Variants in GRIK1 observed in about 807,000 individuals in gnomAD.
The protein encoded by GRIK1 is glutamate ionotropic receptor kainate type subunit 1.
Under a neutral mutation model 105.7 loss-of-function variants are expected in GRIK1, and 69 were observed. The ratio of observed to expected loss-of-function variants is 0.65; its 90% CI spans 0.54 to 0.80. GRIK1 has a LOEUF of 0.80. GRIK1 is among the 30% of genes least tolerant of loss of function. The pLI is 0.00. For synonymous variants in GRIK1, 438 were observed against 431.3 expected, an observed-to-expected ratio of 1.02 and a Z score of -0.19; for missense variants, 1,109 against 1,167.3, an observed-to-expected ratio of 0.95 and a Z score of 0.73.
At chr21:29,747,409 G>A (rs997422936) in intron 1 of GRIK1, among the ~76,000 whole-genome samples, 8 of 152,182 alleles carry the variant, frequency 5.3e-5, no homozygotes, top group African/African-American at 1.7e-4. Flanking sequence ...ACATGATCAG[G>A]AAGGAAATCT....
At chr21:29,683,137 T>C (rs1014284140) in intron 3 of GRIK1, among the ~76,000 whole-genome samples, 2 of 152,152 alleles carry the variant, frequency 1.3e-5, no homozygotes, top group African/African-American at 4.8e-5. Context: ...ACACAGATGT[T>C]GGTGAGGCTG....
rs574821165 is a variant in GRIK1 at position 29,568,385 on chromosome 21, G to T, written c.2131-6536C>A. On this transcript the variant is annotated intron_variant, in intron 14 of 17. Coordinates refer to ENST00000327783, the MANE Select transcript of GRIK1 (RefSeq NM_001330994.2). ...AATGGCTCATTGCTTCATTTCCACT[G>T]GTGCAGTGCCCAGTAACTTCTCTGA... 2.6e-5 allele frequency among the ~76,000 whole-genome samples: 4 copies of T among 152,262 alleles called. No homozygotes were observed. The East Asian group carries it at 7.7e-4, about 29-fold the overall frequency.
intron 7 of GRIK1, among the ~76,000 whole-genome samples, chr21:29,612,215 T>C (rs1203678867): frequency 1.3e-5 from 2 of 152,226 alleles, no homozygotes; most frequent in African/African-American, 4.8e-5. Flanking sequence ...AATGAACCCT[T>C]GACCTTTGGC....
intron 5 of GRIK1, among the ~76,000 whole-genome samples, chr21:29,654,087 G>A (rs1444542831): frequency 6.6e-6 from 1 of 152,172 alleles, no homozygotes; most frequent in Non-Finnish European, 1.5e-5. Flanking sequence ...TAGAAAACGA[G>A]CTTGATTCTG....
At chr21:29,761,947 C>G (rs1447372959) in intron 1 of GRIK1, among the ~76,000 whole-genome samples, 1 of 152,176 alleles carries the variant, frequency 6.6e-6, no homozygotes, top group Non-Finnish European at 1.5e-5. Flanking sequence ...AGGGTTTCAC[C>G]CTGTTGGCCA....
chr21:29,601,340 G>T (rs1038553031), intron 7 of GRIK1: 3 of 402,242 alleles, frequency 7.5e-6, no homozygotes, highest in Non-Finnish European at 1.6e-5. Flanking sequence ...GCTTTCCAGG[G>T]TCTCTAGTTT....
chr21:29,896,132 A>T (rs1264369255), intron 1 of GRIK1, among the ~76,000 whole-genome samples: 1 of 152,220 alleles, frequency 6.6e-6, no homozygotes, highest in East Asian at 1.9e-4. Flanking sequence ...CTAATATGGA[A>T]CACCTGCATG....
rs961420851 is a variant in GRIK1, at chr21:29,576,895, TC to T, written c.2130+68del. The T allele has an allele frequency of 5.9e-5, 50 of 848,804 alleles. No homozygotes were observed. In the Middle Eastern group the frequency reaches 7.0e-4, roughly 12 times the overall value. The allele number at this position is 848,804 out of a possible 1,614,324, so 52.6% of individuals were successfully genotyped here. On this transcript the variant is annotated intron_variant, in intron 14 of 17. Coordinates refer to ENST00000327783, the MANE Select transcript of GRIK1 (RefSeq NM_001330994.2). ...TTCTTTTTTCTTTTTCTTTTTTTTTTCGACAGATTCTTTTATACTCTACCAC... is the reference window on the plus strand; with the variant it reads ...TTCTTTTTTCTTTTTCTTTTTTTTTTGACAGATTCTTTTATACTCTACCAC...
intron 1 of GRIK1, among the ~76,000 whole-genome samples, chr21:29,719,855 C>A (rs967206107): frequency 1.3e-5 from 2 of 152,168 alleles, no homozygotes; most frequent in African/African-American, 2.4e-5. Context: ...TGGCCCTCTC[C>A]CCTTTATTAA....
chr21:29,707,014 G>A lies in GRIK1; in HGVS notation c.119-12951C>T, dbSNP rs759670755. 8.5e-5 allele frequency among the ~76,000 whole-genome samples: 13 copies of A among 152,252 alleles called. No homozygotes were observed. The East Asian group carries it at 1.4e-3, about 16-fold the overall frequency. On this transcript the variant is annotated intron_variant, in intron 1 of 17. Transcript: ENST00000327783. Reference sequence around the variant, plus strand: ...AAAGTAGCTTGGACTACAGGTGCCCGCCACCGCGCCCTGCTAATGTTTTGT... The same window carrying A: ...AAAGTAGCTTGGACTACAGGTGCCCACCACCGCGCCCTGCTAATGTTTTGT...
rs770002116 is a variant in GRIK1, at chr21:29,591,211, A to T, written c.1266T>A (p.Asn422Lys). The change falls in exon 10 of 18, where the codon AAT (asparagine) becomes AAA (lysine). Residue 422 changes from asparagine to lysine, a missense_variant. This residue lies in a region of GRIK1 where 612 missense variants were observed against 586.0 expected (regional missense o/e 1.04). Coordinates refer to ENST00000327783, the MANE Select transcript of GRIK1 (RefSeq NM_001330994.2). ...CCGTCATGTTAAGCCCACTGTTGGA[A>T]TTCCAAATCCCAATCTACACAGAAC... Reference protein sequence around the residue: ...YKVWKKIGIWNSNSGLNMTDS... With the variant: ...YKVWKKIGIWKSNSGLNMTDS... 3 of 1,598,144 alleles carry T rather than the reference A, an allele frequency of 1.9e-6. No individual in the cohort carries two copies.
At chr21:29,744,464 C>CT (rs1162975886) in intron 1 of GRIK1, among the ~76,000 whole-genome samples, 1 of 152,140 alleles carries the variant, frequency 6.6e-6, no homozygotes, top group Non-Finnish European at 1.5e-5. Flanking sequence ...TCACTTCTGT[C>CT]TTTGTTCCAC....
chr21:29,741,832 G>T (rs1033448124), intron 1 of GRIK1, among the ~76,000 whole-genome samples: 1 of 152,166 alleles, frequency 6.6e-6, no homozygotes, highest in Non-Finnish European at 1.5e-5. Flanking sequence ...ATTGATTGCC[G>T]TTGTTTCATT....
chr21:29,683,614 C>T (rs1324864897), intron 3 of GRIK1, among the ~76,000 whole-genome samples: 3 of 152,068 alleles, frequency 2.0e-5, no homozygotes, highest in Admixed American at 6.5e-5. Flanking sequence ...CAGACACTGG[C>T]GACTACTAGA....
At chr21:29,846,465 GAAAGAA>G (rs1569154611) in intron 1 of GRIK1, among the ~76,000 whole-genome samples, 1,186 of 40,054 alleles carry the variant, frequency 0.03, 6 homozygotes, top group Admixed American at 0.045. Flanking sequence ...AAGAGAGAGA[GAAAGAA>G]AGAAAGAAAG....
intron 7 of GRIK1, chr21:29,601,152 TACC>T: frequency 2.1e-6 from 1 of 470,016 alleles, no homozygotes; most frequent in South Asian, 1.5e-5. Context: ...CGTGAGTGGG[TACC>T]ATTCAATTCA....
chr21:29,882,749 T>C (rs1284761789), intron 1 of GRIK1, among the ~76,000 whole-genome samples: 3 of 152,092 alleles, frequency 2.0e-5, no homozygotes, highest in African/African-American at 7.2e-5. Flanking sequence ...CATGAGTAAT[T>C]GAATGAGCCT....
intron 1 of GRIK1, among the ~76,000 whole-genome samples, chr21:29,782,583 C>T (rs1255727293): frequency 6.6e-6 from 1 of 152,134 alleles, no homozygotes; most frequent in African/African-American, 2.4e-5. Context: ...TCTGTGCCTG[C>T]CTGTTACAGG....
At chr21:29,707,454 C>CCCTCCCTTCCTTCCTTCCTTCCTT (rs1199908885) in intron 1 of GRIK1, among the ~76,000 whole-genome samples, 8 of 88,552 alleles carry the variant, frequency 9.0e-5, no homozygotes, top group Admixed American at 1.3e-4. Flanking sequence ...CTCCCTCCCT[C>CCCTCCCTTCCTTCCTTCCTTCCTT]CCTCCCTCCC....
Sources: allele counts gnomAD v4.1 joint callset (sites outside exome capture counted in the v4.1 genomes callset), GRCh38; gene constraint gnomAD v4.1.1; regional missense constraint gnomAD v4.1.1; transcripts MANE v1.5; gene names NCBI Gene and HGNC (gene_info 2026-07-23, HGNC 2026-07-21).